RHPN2: variants seen among roughly 807,000 people sequenced by gnomAD.
RHPN2 encodes rhophilin-2.
In RHPN2, 40 loss-of-function variants were observed where a neutral mutation model predicts 79.0. The ratio of observed to expected loss-of-function variants is 0.51; its 90% CI spans 0.39 to 0.66. The LOEUF (loss-of-function observed/expected upper bound fraction) is 0.66. Among genes scored for constraint, RHPN2 ranks in the 30% least tolerant of loss-of-function variants. The pLI, the probability that RHPN2 is intolerant of heterozygous loss-of-function variation, is 0.00. For synonymous variants in RHPN2, 285 were observed against 363.5 expected (o/e 0.78, Z 2.46); for missense variants, 686 against 883.5 (o/e 0.78, Z 2.83).
chr19:33,046,390 C>T (rs1162171826), intron 1 of RHPN2, among the ~76,000 whole-genome samples: 7 of 151,984 alleles, frequency 4.6e-5, no homozygotes, highest in Non-Finnish European at 7.4e-5. Flanking sequence ...TTCAGCCTCC[C>T]GGGTAGCTGG....
rs1248222881 is a variant in RHPN2 at position 33,064,813 on chromosome 19, C to T, written c.40G>A (p.Glu14Lys). 3.6e-6 allele frequency: 5 copies of T among 1,392,544 alleles called. No individual in the cohort carries two copies. Among genetic ancestry groups the T allele is most frequent in the East Asian group, 3.5e-5 (1 of 28,238 alleles). 86.3% of individuals were successfully genotyped at this position (1,392,544 alleles called of 1,614,324 possible). A position where few individuals can be genotyped will look rare whatever the true frequency, so the allele number is the denominator to read the frequency against. The change falls in exon 1 of 15, where the codon GAG (glutamate) becomes AAG (lysine). Residue 14 changes from glutamate to lysine, a missense_variant. Transcript: ENST00000254260. ...ALLPAAPQPL[E>K]KENDGYFRKG... is the part of the protein sequence containing the mutation. ...CGAAAGTAGCCGTCGTTCTCCTTCTCCAGCGGCTGGGGGGCCGCGGGCAAC... is the reference window on the plus strand; with the variant it reads ...CGAAAGTAGCCGTCGTTCTCCTTCTTCAGCGGCTGGGGGGCCGCGGGCAAC...
At chr19:33,064,755 T>TGGGGCCCCCCC in intron 1 of RHPN2, 29 bp downstream of exon 1, 2 of 1,427,948 alleles carry the variant, frequency 1.4e-6, no homozygotes, top group Non-Finnish European at 9.4e-7. Context: ...AGCCCGCAGG[T>TGGGGCCCCCCC]CCCCGCCCGC....
At chr19:33,050,242 G>A (rs1446656296) in intron 1 of RHPN2, among the ~76,000 whole-genome samples, 1 of 152,112 alleles carries the variant, frequency 6.6e-6, no homozygotes, top group Non-Finnish European at 1.5e-5. Context: ...CCCTAGACAG[G>A]GAACCAACCC....
At chr19:33,017,821 G>C (rs907760633) in intron 4 of RHPN2, among the ~76,000 whole-genome samples, 6 of 151,706 alleles carry the variant, frequency 4.0e-5, no homozygotes, top group Non-Finnish European at 7.4e-5. Context: ...AGGAGTTCGA[G>C]ATCAGCCTGG....
At chr19:33,029,142 A>C (rs6510329) in intron 2 of RHPN2, among the ~76,000 whole-genome samples, 13,877 of 150,092 alleles carry the variant, frequency 0.092, 862 homozygotes, top group African/African-American at 0.18. Flanking sequence ...CTCCATCCCC[A>C]AAAAAAAAAT....
chr19:32,982,407 A>T (rs1465233764), intron 14 of RHPN2, among the ~76,000 whole-genome samples: 1 of 152,028 alleles, frequency 6.6e-6, no homozygotes, highest in African/African-American at 2.4e-5. Context: ...ACGCTATTGC[A>T]AAAAATAAAT....
At chr19:33,050,771 C>T (rs1396648401) in intron 1 of RHPN2, among the ~76,000 whole-genome samples, 1 of 152,018 alleles carries the variant, frequency 6.6e-6, no homozygotes, top group South Asian at 2.1e-4. Context: ...CTCCACCTCC[C>T]GGGCTCAAGC....
At chr19:33,061,396 G>A (rs1465284945) in intron 1 of RHPN2, among the ~76,000 whole-genome samples, 2 of 151,398 alleles carry the variant, frequency 1.3e-5, no homozygotes, top group East Asian at 2.0e-4. Context: ...TAGTAGAGAC[G>A]GGGTTTCACT....
chr19:33,005,230 A>G (rs1221451906), intron 7 of RHPN2, among the ~76,000 whole-genome samples: 1 of 151,648 alleles, frequency 6.6e-6, no homozygotes, highest in East Asian at 2.0e-4. Context: ...CCTGGCCAAC[A>G]TGGCAAAAGC....
chr19:33,017,060 C>G (rs1463824903), intron 4 of RHPN2, among the ~76,000 whole-genome samples: 1 of 152,178 alleles, frequency 6.6e-6, no homozygotes, highest in Non-Finnish European at 1.5e-5. Flanking sequence ...TCCTAAGTTT[C>G]TCCAAGAGAC....
intron 6 of RHPN2, among the ~76,000 whole-genome samples, chr19:33,010,465 C>T (rs574046546): frequency 6.6e-6 from 1 of 151,596 alleles, no homozygotes; most frequent in Admixed American, 6.6e-5. Flanking sequence ...TCATTGCAAC[C>T]TCTGCCTCCC....
At chr19:33,051,932 A>G (rs545507022) in intron 1 of RHPN2, among the ~76,000 whole-genome samples, 103 of 149,984 alleles carry the variant, frequency 6.9e-4, no homozygotes, top group Admixed American at 2.0e-3. Flanking sequence ...CGGAGGTTGC[A>G]GTGAGCCGAG....
intron 14 of RHPN2, among the ~76,000 whole-genome samples, chr19:32,989,440 C>T (rs1187546981): frequency 6.6e-6 from 1 of 152,144 alleles, no homozygotes. Context: ...GGTAACTGTG[C>T]AGGTGAACTT....
chr19:33,029,887 C>G (rs1197747823), intron 2 of RHPN2, among the ~76,000 whole-genome samples: 1 of 152,190 alleles, frequency 6.6e-6, no homozygotes, highest in Non-Finnish European at 1.5e-5. Flanking sequence ...GTGCTTAACT[C>G]CCCCAGCAAA....
intron 7 of RHPN2, among the ~76,000 whole-genome samples, chr19:33,005,625 A>AT (rs1177129683): frequency 1.3e-5 from 2 of 148,758 alleles, no homozygotes; most frequent in African/African-American, 4.9e-5. Context: ...AAAAAAAAAA[A>AT]GCCCTGCCCT....
At chr19:32,999,851 A>G in intron 9 of RHPN2, 146 bp from the exon 10 acceptor site, 1 of 1,036,686 alleles carries the variant, frequency 9.6e-7, no homozygotes, top group Non-Finnish European at 1.4e-6. Context: ...GCCCCCGGAC[A>G]CACCCCAGGC....
At chr19:33,018,009 C>T (rs1971891714) in intron 4 of RHPN2, among the ~76,000 whole-genome samples, 1 of 152,038 alleles carries the variant, frequency 6.6e-6, no homozygotes, top group Admixed American at 6.6e-5. Flanking sequence ...CAAAAATTAG[C>T]CGGGCGTGGT....
intron 1 of RHPN2, among the ~76,000 whole-genome samples, chr19:33,060,604 C>T (rs886498419): frequency 5.3e-5 from 8 of 152,110 alleles, no homozygotes; most frequent in Non-Finnish European, 1.0e-4. Flanking sequence ...ATGATAACAG[C>T]TCACTGCAGC....
intron 14 of RHPN2, among the ~76,000 whole-genome samples, chr19:32,981,004 A>G (rs1971569529): frequency 6.6e-6 from 1 of 151,776 alleles, no homozygotes; most frequent in Non-Finnish European, 1.5e-5. Context: ...ACACCTGGCT[A>G]ATTTTTTGTA....
Sources: allele counts gnomAD v4.1 joint callset (sites outside exome capture counted in the v4.1 genomes callset), GRCh38; gene constraint gnomAD v4.1.1; transcripts MANE v1.5; gene names NCBI Gene and HGNC (gene_info 2026-07-23, HGNC 2026-07-21).